The following CCT6B variants were observed in gnomAD, a reference collection of about 807,000 sequenced individuals.
CCT6B encodes the protein probable T-complex protein 1 subunit zeta-2.
Under a neutral mutation model 61.5 loss-of-function variants are expected in CCT6B, and 49 were observed. The observed-to-expected ratio is 0.80, with a 90% CI of 0.63 to 1.01. The LOEUF is 1.01. CCT6B is among the 50% of genes least tolerant of loss of function. CCT6B has a pLI of 0.00. For missense variants in CCT6B, 666 were observed against 634.7 expected, an observed-to-expected ratio of 1.05 and a Z score of -0.53; for synonymous variants, 228 against 214.5, an observed-to-expected ratio of 1.06 and a Z score of -0.55.
intron 5 of CCT6B, 52 bp downstream of exon 5, chr17:34,951,898 T>C (rs2090295602): frequency 3.7e-6 from 3 of 807,384 alleles, no homozygotes; most frequent in South Asian, 3.7e-5. Flanking sequence ...AATAAAAGAA[T>C]ATCTTTAAAA....
intron 12 of CCT6B, among the ~76,000 whole-genome samples, chr17:34,930,231 C>T (rs1310925317): frequency 1.3e-5 from 2 of 152,208 alleles, no homozygotes; most frequent in Admixed American, 6.5e-5. Context: ...AAGATCGTGC[C>T]ACTGCACTCC....
chr17:34,929,111 T>G, intron 12 of CCT6B, 77 bp from the exon 13 acceptor site: 1 of 870,198 alleles, frequency 1.1e-6, no homozygotes, highest in Non-Finnish European at 1.9e-6. Flanking sequence ...CTAAAAATAT[T>G]TAATACATTA....
rs533736549 is a variant in CCT6B at position 34,934,379 on chromosome 17, T to A, written c.1214-1879A>T. On this transcript the variant is annotated intron_variant, in intron 10 of 13. Transcript: ENST00000314144. ...AGTAAACTTTCTGCAAAAGGCCAGTTAATATTTTTCAGGCCATACCATTTC... is the reference window on the plus strand; with the variant it reads ...AGTAAACTTTCTGCAAAAGGCCAGTAAATATTTTTCAGGCCATACCATTTC... Among the ~76,000 whole-genome samples, 43 of 152,306 alleles carry A rather than the reference T, an allele frequency of 2.8e-4. 2 individuals carry two copies. The South Asian group carries it at 8.7e-3, about 31-fold the overall frequency.
At chr17:34,941,293 G>T (rs1329109504) in intron 7 of CCT6B, among the ~76,000 whole-genome samples, 1 of 152,102 alleles carries the variant, frequency 6.6e-6, no homozygotes, top group Non-Finnish European at 1.5e-5. Flanking sequence ...CATGTAGATA[G>T]CATCAGTTCA....
At chr17:34,946,124 C>T (rs1020677893) in intron 5 of CCT6B, among the ~76,000 whole-genome samples, 2 of 152,192 alleles carry the variant, frequency 1.3e-5, no homozygotes, top group African/African-American at 4.8e-5. Flanking sequence ...CATGGACTTA[C>T]AATCGGAATT....
rs1283959445 is a variant in CCT6B, at chr17:34,952,121, A to T, written c.511-68T>A. ...CTAAAATAAACCAAGGGCCCAAACA[A>T]TCTATCACCAGACTAAGGAGATAAA... On this transcript the variant is annotated intron_variant, in intron 4 of 13. Coordinates refer to ENST00000314144, the MANE Select transcript of CCT6B (RefSeq NM_006584.4). 9 of 935,512 alleles carry T rather than the reference A, an allele frequency of 9.6e-6. No homozygotes were observed. In the Admixed American group the frequency reaches 1.4e-4, roughly 15 times the overall value. The allele number at this position is 935,512 out of a possible 1,614,324, so 58.0% of individuals were successfully genotyped here. A position where few individuals can be genotyped will look rare whatever the true frequency, so the allele number is the denominator to read the frequency against.
At chr17:34,941,929 T>A (rs1334362623) in intron 7 of CCT6B, among the ~76,000 whole-genome samples, 2 of 152,024 alleles carry the variant, frequency 1.3e-5, no homozygotes, top group Non-Finnish European at 2.9e-5. Context: ...TCCTGGCTAC[T>A]TGGGAAGCTG....
intron 3 of CCT6B, 141 bp from the exon 4 acceptor site, chr17:34,954,740 T>C: frequency 1.6e-6 from 1 of 621,696 alleles, no homozygotes; most frequent in Non-Finnish European, 2.6e-6. Flanking sequence ...ATAAAAGTCA[T>C]TTTAGTGCTT....
intron 10 of CCT6B, among the ~76,000 whole-genome samples, chr17:34,937,873 TTTC>T (rs921477569): frequency 3.0e-5 from 4 of 131,680 alleles, no homozygotes; most frequent in Admixed American, 1.5e-4. Context: ...CACAAATTTT[TTTC>T]TTTTCTTTTC....
chr17:34,954,960 T>C (rs936301138), intron 3 of CCT6B, among the ~76,000 whole-genome samples: 1 of 152,200 alleles, frequency 6.6e-6, no homozygotes, highest in Non-Finnish European at 1.5e-5. Flanking sequence ...CTGTGGTGTC[T>C]ACCACTTCAC....
In CCT6B at chr17:34,959,574, A is replaced by G; in HGVS notation, c.201+13T>C. The G allele has an allele frequency of 1.2e-6, 2 of 1,600,202 alleles. No homozygotes were observed. The highest frequency in any genetic ancestry group is 1.7e-6 in the Non-Finnish European group (2 of 1,167,372). On this transcript the variant is annotated intron_variant, in intron 2 of 13. Coordinates refer to ENST00000314144, the MANE Select transcript of CCT6B (RefSeq NM_006584.4). ...CTTATTAAGGTTTATTAAAGTCAGC[A>G]GCATCAGCTCACCATCTCATCGAGC...
chr17:34,940,172 G>T (rs1171160892), intron 8 of CCT6B, among the ~76,000 whole-genome samples: 1 of 151,970 alleles, frequency 6.6e-6, no homozygotes, highest in Non-Finnish European at 1.5e-5. Flanking sequence ...TATTCCCAGT[G>T]CCCCTCCCCT....
chr17:34,939,861 T>A lies in CCT6B; in HGVS notation c.969-148A>T, dbSNP rs367878418. ...ATTGTCTAATAAAATTGTCTATATT[T>A]ATCGAGTACAACATGATGATGTTTT... On this transcript the variant is annotated intron_variant, in intron 8 of 13. Transcript: ENST00000314144. 156 of 622,788 alleles carry A rather than the reference T, an allele frequency of 2.5e-4. 1 individual carries two copies. In the South Asian group the frequency reaches 3.1e-3, roughly 12 times the overall value. 38.6% of individuals were successfully genotyped at this position (622,788 alleles called of 1,614,324 possible).
chr17:34,942,268 C>T (rs2090172188), intron 7 of CCT6B, among the ~76,000 whole-genome samples: 1 of 151,432 alleles, frequency 6.6e-6, no homozygotes, highest in African/African-American at 2.4e-5. Flanking sequence ...ACTTCTTTGA[C>T]TTGTACTAAG....
intron 3 of CCT6B, among the ~76,000 whole-genome samples, chr17:34,958,055 A>G (rs2090367646): frequency 6.6e-6 from 1 of 152,194 alleles, no homozygotes; most frequent in Non-Finnish European, 1.5e-5. Flanking sequence ...TTTCATTTTT[A>G]AAAGAGGTAT....
At chr17:34,930,117 C>A (rs552797747) in intron 12 of CCT6B, among the ~76,000 whole-genome samples, 11 of 152,154 alleles carry the variant, frequency 7.2e-5, no homozygotes, top group African/African-American at 2.4e-4. Flanking sequence ...ACTAAAAATA[C>A]AAAAATTAGC....
At chr17:34,943,855 T>C (rs1384085226) in intron 5 of CCT6B, 1 of 151,518 alleles carries the variant, frequency 6.6e-6, no homozygotes, top group Admixed American at 6.6e-5. Flanking sequence ...GTAGGGGTTA[T>C]GCCTGGGTAG....
intron 12 of CCT6B, among the ~76,000 whole-genome samples, chr17:34,930,437 A>C (rs1179990963): frequency 6.6e-6 from 1 of 151,964 alleles, no homozygotes; most frequent in African/African-American, 2.4e-5. Flanking sequence ...TGGCTTTTCC[A>C]CTGGCTGTTC....
chr17:34,936,043 C>G (rs1017489202), intron 10 of CCT6B, among the ~76,000 whole-genome samples: 53 of 152,152 alleles, frequency 3.5e-4, no homozygotes, highest in African/African-American at 1.2e-3. Flanking sequence ...CTCCACCTCC[C>G]AGGTTCAAGC....
Sources: allele counts gnomAD v4.1 joint callset (sites outside exome capture counted in the v4.1 genomes callset), GRCh38; gene constraint gnomAD v4.1.1; transcripts MANE v1.5; gene names NCBI Gene and HGNC (gene_info 2026-07-23, HGNC 2026-07-21).